The following AK7 variants were observed in gnomAD, a reference collection of about 807,000 sequenced individuals.
AK7 encodes adenylate kinase 7, also known as ATP-AMP transphosphorylase 7.
Under a neutral mutation model 96.6 loss-of-function variants are expected in AK7, and 78 were observed. That is an observed-to-expected ratio of 0.81 (90% CI 0.67 to 0.97). The LOEUF (loss-of-function observed/expected upper bound fraction) is 0.97. Ranked by LOEUF, AK7 falls within the 50% of genes least tolerant of loss-of-function variation. The pLI, the probability that AK7 is intolerant of heterozygous loss-of-function variation, is 0.00. For missense variants in AK7, 855 were observed against 887.9 expected (o/e 0.96, Z 0.47); for synonymous variants, 302 against 317.2 (o/e 0.95, Z 0.51).
intron 3 of AK7, among the ~76,000 whole-genome samples, chr14:96,407,575 C>CTTTTTTTTTTTTTTT (rs1288121196): frequency 1.8e-5 from 1 of 54,732 alleles, no homozygotes. Flanking sequence ...TTCTTTCTTT[C>CTTTTTTTTTTTTTTT]TTTTCTTTTT....
intron 7 of AK7, among the ~76,000 whole-genome samples, chr14:96,444,877 C>T (rs1017697944): frequency 6.6e-6 from 1 of 152,172 alleles, no homozygotes; most frequent in Non-Finnish European, 1.5e-5. Flanking sequence ...GCCACCACGC[C>T]TGGCTATTTT....
At chr14:96,435,988 G>T (rs1892616612) in intron 5 of AK7, among the ~76,000 whole-genome samples, 1 of 152,078 alleles carries the variant, frequency 6.6e-6, no homozygotes. Context: ...TACTGTGAGG[G>T]CTCACCTGAT....
At chr14:96,472,972 C>T (rs1296554755) in intron 14 of AK7, among the ~76,000 whole-genome samples, 1 of 151,972 alleles carries the variant, frequency 6.6e-6, no homozygotes, top group Non-Finnish European at 1.5e-5. Flanking sequence ...GTCCTAGCTA[C>T]TCGGGAGGCT....
chr14:96,464,286 G>A (rs942266663), intron 12 of AK7, among the ~76,000 whole-genome samples: 2 of 152,046 alleles, frequency 1.3e-5, no homozygotes, highest in Non-Finnish European at 1.5e-5. Context: ...GCCAGGCGCA[G>A]TGGCTCACAC....
At chr14:96,483,657 C>T (rs1159052976) in intron 16 of AK7, among the ~76,000 whole-genome samples, 1 of 152,088 alleles carries the variant, frequency 6.6e-6, no homozygotes, top group African/African-American at 2.4e-5. Context: ...AACTCCTAAT[C>T]TCAAGTGATC....
intron 4 of AK7, among the ~76,000 whole-genome samples, chr14:96,414,566 A>C (rs1891214962): frequency 6.6e-6 from 1 of 152,096 alleles, no homozygotes; most frequent in African/African-American, 2.4e-5. Flanking sequence ...GTGATCCTGA[A>C]AAGGAAGGCC....
In AK7 at chr14:96,486,918, G is replaced by A. The variant is rs1466573448; in HGVS notation, c.1995G>A (p.Val665=). The A allele has an allele frequency of 6.2e-7, 1 of 1,613,886 alleles. No individual in the cohort carries two copies. The highest frequency in any genetic ancestry group is 2.2e-5 in the East Asian group (1 of 44,872). ...TTTAGAATAAACGACTGGAGGAAGTGAAAAGAGAAGAAAGAGAATTACTGG... is the reference window on the plus strand; with the variant it reads ...TTTAGAATAAACGACTGGAGGAAGTAAAAAGAGAAGAAAGAGAATTACTGG... The part of the protein sequence containing the change: ...WEEWNKRLEE[V]KREERELLEA... Residue 665 remains valine (V), a synonymous_variant, in exon 17 of 18, where the codon GTG becomes GTA. Transcript: ENST00000267584.
intron 5 of AK7, among the ~76,000 whole-genome samples, chr14:96,436,584 G>T (rs187484827): frequency 1.3e-5 from 2 of 152,190 alleles, no homozygotes; most frequent in Non-Finnish European, 2.9e-5. Flanking sequence ...GGCCAAGGTT[G>T]CAGTGAGCCT....
chr14:96,404,157 A>G (rs1307381836), intron 2 of AK7, among the ~76,000 whole-genome samples: 1 of 151,408 alleles, frequency 6.6e-6, no homozygotes, highest in Non-Finnish European at 1.5e-5. Context: ...AATTAAAAAA[A>G]AAAAAAAAAA....
intron 2 of AK7, among the ~76,000 whole-genome samples, chr14:96,401,209 G>A (rs1890390081): frequency 6.6e-6 from 1 of 152,208 alleles, no homozygotes; most frequent in Non-Finnish European, 1.5e-5. Flanking sequence ...CAGGGACTCT[G>A]TGACAGTAGA....
rs570290510 is a variant in AK7, at chr14:96,399,702, G to A, written c.294+1439G>A. On this transcript the variant is annotated intron_variant, in intron 2 of 17. Coordinates refer to ENST00000267584, the MANE Select transcript of AK7 (RefSeq NM_152327.5). This position sits in a 1 kb window ranked among gnomAD's most constrained non-coding sequence, Gnocchi z 4.1. Reference sequence around the variant, plus strand: ...CTTCACAGCAGCAGCCTGGCTTCCCGAGAGAAACTCGCCTTCCCTTCTTGT... The same window carrying A: ...CTTCACAGCAGCAGCCTGGCTTCCCAAGAGAAACTCGCCTTCCCTTCTTGT... Among the ~76,000 whole-genome samples the A allele has an allele frequency of 4.6e-5, 7 of 152,298 alleles. No homozygotes were observed. The highest frequency in any genetic ancestry group is 1.4e-4 in the African/African-American group (6 of 41,576).
chr14:96,429,610 C>A (rs1385501175), intron 5 of AK7, among the ~76,000 whole-genome samples: 4 of 152,148 alleles, frequency 2.6e-5, no homozygotes, highest in Non-Finnish European at 5.9e-5. Context: ...AATGTTCTTC[C>A]AATTTTTTGT....
At chr14:96,486,752 T>A in intron 16 of AK7, 146 bp from the exon 17 acceptor site, 1 of 650,938 alleles carries the variant, frequency 1.5e-6, no homozygotes, top group Non-Finnish European at 2.5e-6. Context: ...ACCATTTATG[T>A]CTTTTCTCTG....
intron 5 of AK7, among the ~76,000 whole-genome samples, chr14:96,425,396 G>A (rs975867929): frequency 2.0e-5 from 3 of 151,566 alleles, no homozygotes; most frequent in African/African-American, 7.3e-5. Flanking sequence ...CAAAAGAGGA[G>A]ACCCTAATAA....
At chr14:96,454,662 AATT>A (rs1893792460) in intron 10 of AK7, among the ~76,000 whole-genome samples, 1 of 141,494 alleles carries the variant, frequency 7.1e-6, no homozygotes, top group Non-Finnish European at 1.6e-5. Context: ...ATTTAAAAAA[AATT>A]TTTTTTTTTT....
intron 1 of AK7, 151 bp downstream of exon 1, chr14:96,392,410 C>A (rs1356804012): frequency 1.3e-5 from 8 of 623,594 alleles, no homozygotes; most frequent in Non-Finnish European, 2.2e-5. Context: ...CCACCAATGC[C>A]CCCTGGACCC....
intron 5 of AK7, chr14:96,423,801 A>T: frequency 4.0e-6 from 3 of 751,070 alleles, no homozygotes; most frequent in Non-Finnish European, 7.4e-6. Context: ...TTACGGGGGG[A>T]CGCCACCTTG....
In AK7 at chr14:96,451,494, G is replaced by C; in HGVS notation, c.1022G>C (p.Arg341Pro). 6.2e-7 allele frequency: 1 copy of C among 1,603,500 alleles called. No homozygotes were observed. The highest frequency in any genetic ancestry group is 8.5e-7 in the Non-Finnish European group (1 of 1,174,304). Reference sequence around the variant, plus strand: ...TTTGTGAAGGAGAATTTTAATATTCGATGGGCTGCCCAAACAGGATTTGTG... The same window carrying C: ...TTTGTGAAGGAGAATTTTAATATTCCATGGGCTGCCCAAACAGGATTTGTG... ...ALFVKENFNI[R>P]WAAQTGFVEN... The change falls in exon 10 of 18, where the codon CGA becomes CCA. Residue 341 changes from arginine to proline, a missense_variant. By Grantham distance (103) the Arg-to-Pro change is moderately radical. Coordinates refer to ENST00000267584, the MANE Select transcript of AK7 (RefSeq NM_152327.5).
rs530843864 is a variant in AK7 at position 96,392,685 on chromosome 14, A to G, written c.105+426A>G. On this transcript the variant is annotated intron_variant, in intron 1 of 17. Transcript: ENST00000267584. ...AATAAATCAATTTTTTTTTTTTGAG[A>G]CGGAGCCTTGCTCTGTCGCCCAGGC... is the stretch of plus-strand genomic sequence containing the variant. 6.6e-5 allele frequency among the ~76,000 whole-genome samples: 10 copies of G among 151,070 alleles called. No homozygotes were observed. The East Asian group carries it at 9.7e-4, about 15-fold the overall frequency.
Sources: allele counts gnomAD v4.1 joint callset (sites outside exome capture counted in the v4.1 genomes callset), GRCh38; gene constraint gnomAD v4.1.1; non-coding constraint Gnocchi (gnomAD v3.1); transcripts MANE v1.5; gene names NCBI Gene and HGNC (gene_info 2026-07-23, HGNC 2026-07-21).